TUSC3: variants seen among roughly 807,000 people sequenced by gnomAD.
The protein encoded by TUSC3 is tumor suppressor candidate 3, also known as dolichyl-diphosphooligosaccharide--protein glycosyltransferase subunit TUSC3.
In TUSC3, 45 loss-of-function variants were observed where a neutral mutation model predicts 44.8. The observed-to-expected ratio is 1.00, with a 90% CI of 0.79 to 1.29. The LOEUF (loss-of-function observed/expected upper bound fraction) is 1.29. Ranked by LOEUF, TUSC3 falls within the 50% of genes most tolerant of loss-of-function variation. TUSC3 has a pLI of 0.00. For synonymous variants in TUSC3, 212 were observed against 152.9 expected, an observed-to-expected ratio of 1.39 and a Z score of -2.85; for missense variants, 519 against 437.9, an observed-to-expected ratio of 1.19 and a Z score of -1.65.
intron 6 of TUSC3, among the ~76,000 whole-genome samples, chr8:15,677,034 T>C (rs1342757871): frequency 1.3e-5 from 2 of 152,178 alleles, no homozygotes; most frequent in African/African-American, 2.4e-5. Context: ...TTTAAAATTT[T>C]ATTTTATAGA....
intron 9 of TUSC3, among the ~76,000 whole-genome samples, chr8:15,751,325 A>G (rs1286064585): frequency 6.6e-6 from 1 of 152,222 alleles, no homozygotes; most frequent in African/African-American, 2.4e-5. Flanking sequence ...TCATTCAACA[A>G]CAGAAATCCA....
chr8:15,634,047 A>G (rs1373063410), intron 2 of TUSC3, among the ~76,000 whole-genome samples: 3 of 152,182 alleles, frequency 2.0e-5, no homozygotes, highest in African/African-American at 7.2e-5. Context: ...AGGGCTGTAT[A>G]CTTCCATAAA....
intron 10 of TUSC3, among the ~76,000 whole-genome samples, chr8:15,761,373 G>A (rs1812162296): frequency 6.6e-6 from 1 of 152,148 alleles, no homozygotes; most frequent in African/African-American, 2.4e-5. Flanking sequence ...CAAAAATAAA[G>A]TGACACAGAC....
chr8:15,738,825 TGC>T (rs1471374415), intron 7 of TUSC3, among the ~76,000 whole-genome samples: 3 of 126,440 alleles, frequency 2.4e-5, no homozygotes, highest in East Asian at 2.5e-4. Context: ...TAATATATCT[TGC>T]TTTTTTTTTT....
chr8:15,464,823 A>G (rs1459722805), intron 1 of TUSC3, among the ~76,000 whole-genome samples: 2 of 152,182 alleles, frequency 1.3e-5, no homozygotes, highest in Non-Finnish European at 2.9e-5. Context: ...AAACATGGTC[A>G]TGACTGATAA....
chr8:15,765,220 A>G lies in TUSC3; in HGVS notation c.*1064A>G, dbSNP rs569410443. 6.6e-6 allele frequency: 1 copy of G among 152,164 alleles called. No individual in the cohort carries two copies. The highest frequency in any genetic ancestry group is 2.1e-4 in the South Asian group (1 of 4,828). The allele number at this position is 152,164 out of a possible 1,614,324, so 9.4% of individuals were successfully genotyped here. A position where few individuals can be genotyped will look rare whatever the true frequency, so the allele number is the denominator to read the frequency against. Reference sequence around the variant, plus strand: ...AAATTTTATCTGACTCATAGAACTAATGGAAGCTGAAAGCCAAAAATAAAG... The same window carrying G: ...AAATTTTATCTGACTCATAGAACTAGTGGAAGCTGAAAGCCAAAAATAAAG... On this transcript the variant is annotated 3_prime_UTR_variant, in exon 11 of 11. Coordinates refer to ENST00000503731, the MANE Select transcript of TUSC3 (RefSeq NM_006765.4).
intron 2 of TUSC3, among the ~76,000 whole-genome samples, chr8:15,514,397 C>T (rs1253856633): frequency 1.3e-5 from 2 of 152,116 alleles, no homozygotes; most frequent in East Asian, 3.9e-4. Flanking sequence ...GATACAGAAA[C>T]TTGCTCATGA....
the TUSC3 span, among the ~76,000 whole-genome samples, chr8:15,787,479 T>C: frequency 6.6e-6 from 1 of 152,200 alleles, no homozygotes; most frequent in African/African-American, 2.4e-5. Flanking sequence ...TGCATCAGTC[T>C]ATTAAAAAAT....
At chr8:15,813,573 T>C in the TUSC3 span, among the ~76,000 whole-genome samples, 4 of 152,200 alleles carry the variant, frequency 2.6e-5, no homozygotes, top group African/African-American at 9.7e-5. Context: ...AGGCACATTT[T>C]ATTCTAGAAT....
intron 1 of TUSC3, among the ~76,000 whole-genome samples, chr8:15,438,269 A>G (rs1264151665): frequency 6.6e-6 from 1 of 151,774 alleles, no homozygotes; most frequent in South Asian, 2.1e-4. Flanking sequence ...TAATTTTTGT[A>G]CTTTTTAGTA....
At chr8:15,801,349 C>T in the TUSC3 span, among the ~76,000 whole-genome samples, 3 of 152,024 alleles carry the variant, frequency 2.0e-5, no homozygotes, top group African/African-American at 7.3e-5. Context: ...GGGGCTGTAA[C>T]AGGAACAGTT....
At chr8:15,760,028 G>A (rs17121921) in intron 10 of TUSC3, among the ~76,000 whole-genome samples, 3,733 of 152,066 alleles carry the variant, frequency 0.025, 131 homozygotes, top group African/African-American at 0.083. Flanking sequence ...CTATAACCGA[G>A]CCTCTTAAAT....
At chr8:15,829,233 T>C in the TUSC3 span, among the ~76,000 whole-genome samples, 1 of 152,226 alleles carries the variant, frequency 6.6e-6, no homozygotes, top group Non-Finnish European at 1.5e-5. Flanking sequence ...GAAAAAAATG[T>C]TGCAAAGAAT....
At chr8:15,662,897 G>A (rs1276320764) in intron 5 of TUSC3, among the ~76,000 whole-genome samples, 1 of 152,016 alleles carries the variant, frequency 6.6e-6, no homozygotes, top group East Asian at 1.9e-4. Context: ...ATTGTGACAT[G>A]AGCTGAATTC....
At chr8:15,689,863 T>TGTGTGTGTAA (rs1554475557) in intron 6 of TUSC3, among the ~76,000 whole-genome samples, 284 of 14,760 alleles carry the variant, frequency 0.019, 2 homozygotes, top group Admixed American at 0.07. Context: ...TGTGTGTGTG[T>TGTGTGTGTAA]ATAAATATAT....
intron 1 of TUSC3, among the ~76,000 whole-genome samples, chr8:15,419,971 G>A (rs1799717750): frequency 6.6e-6 from 1 of 151,914 alleles, no homozygotes; most frequent in Non-Finnish European, 1.5e-5. Flanking sequence ...GTGAGTAAAG[G>A]ACAATATATT....
At chr8:15,534,001 C>T (rs765054105) in intron 2 of TUSC3, among the ~76,000 whole-genome samples, 6 of 151,992 alleles carry the variant, frequency 3.9e-5, no homozygotes, top group African/African-American at 4.8e-5. Context: ...TGGATTTAGG[C>T]GGTTTTTGAT....
intron 1 of TUSC3, among the ~76,000 whole-genome samples, chr8:15,569,507 G>A (rs1490701108): frequency 1.3e-5 from 2 of 152,072 alleles, no homozygotes; most frequent in Non-Finnish European, 1.5e-5. Flanking sequence ...CTGGATCTGG[G>A]CAAAGATAAT....
intron 2 of TUSC3, among the ~76,000 whole-genome samples, chr8:15,636,585 C>T (rs1043039409): frequency 2.0e-5 from 3 of 152,178 alleles, no homozygotes; most frequent in Non-Finnish European, 4.4e-5. Context: ...CATTAGTCAG[C>T]AGAATTCTCA....
Sources: allele counts gnomAD v4.1 joint callset (sites outside exome capture counted in the v4.1 genomes callset), GRCh38; gene constraint gnomAD v4.1.1; transcripts MANE v1.5; gene names NCBI Gene and HGNC (gene_info 2026-07-23, HGNC 2026-07-21).